Variants in TMEM51 observed in about 807,000 individuals in gnomAD.
The protein encoded by TMEM51 is chromosome 1 open reading frame 72.
A neutral mutation model predicts 13.6 loss-of-function variants in TMEM51; 8 were observed. The observed-to-expected ratio is 0.59, with a 90% confidence interval of 0.35 to 1.07. The LOEUF (loss-of-function observed/expected upper bound fraction) is 1.07, where lower values mean the gene tolerates loss of function less well. Among genes scored for constraint, TMEM51 ranks in the 50% least tolerant of loss-of-function variants. TMEM51 has a pLI of 0.02. For synonymous variants in TMEM51, 147 were observed against 144.4 expected, an observed-to-expected ratio of 1.02 and a Z score of -0.13; for missense variants, 279 against 330.7, an observed-to-expected ratio of 0.84 and a Z score of 1.21.
At chr1:15,179,730 C>G (rs967191635) in intron 1 of TMEM51, among the ~76,000 whole-genome samples, 1 of 152,136 alleles carries the variant, frequency 6.6e-6, no homozygotes, top group Non-Finnish European at 1.5e-5. Flanking sequence ...TGCAGTGAGC[C>G]AAGATCATGC....
intron 1 of TMEM51, among the ~76,000 whole-genome samples, chr1:15,163,983 C>G (rs947121509): frequency 1.3e-5 from 2 of 151,854 alleles, no homozygotes; most frequent in African/African-American, 4.9e-5. Context: ...GCATGCACCA[C>G]CATGCCTGGC....
intron 1 of TMEM51, among the ~76,000 whole-genome samples, chr1:15,159,601 G>A (rs1018112780): frequency 6.6e-6 from 1 of 152,148 alleles, no homozygotes; most frequent in African/African-American, 2.4e-5. Context: ...TCTGTTGCCA[G>A]GCTGGACTGC....
At chr1:15,205,938 T>C (rs1294707630) in intron 1 of TMEM51, among the ~76,000 whole-genome samples, 1 of 152,158 alleles carries the variant, frequency 6.6e-6, no homozygotes, top group Non-Finnish European at 1.5e-5. Flanking sequence ...CTTCAACAAG[T>C]CATTTTAAAA....
intron 1 of TMEM51, among the ~76,000 whole-genome samples, chr1:15,160,390 C>T (rs1340605294): frequency 6.6e-6 from 1 of 152,214 alleles, no homozygotes; most frequent in African/African-American, 2.4e-5. Context: ...TCTCTTGCCT[C>T]AGCCTCCTGA....
intron 1 of TMEM51, among the ~76,000 whole-genome samples, chr1:15,154,858 G>A (rs1642532678): frequency 6.6e-6 from 1 of 151,880 alleles, no homozygotes; most frequent in Admixed American, 6.5e-5. Context: ...GGGAGGTCTG[G>A]CTGCTGGGAA....
At position 15,161,617 on chromosome 1, in the gene TMEM51, T is replaced by C. The variant is rs751680135; in HGVS notation, c.-267+7663T>C. Among the ~76,000 whole-genome samples, 4 of 151,978 alleles carry C rather than the reference T, an allele frequency of 2.6e-5. No homozygotes were observed. The highest frequency in any genetic ancestry group is 4.4e-5 in the Non-Finnish European group (3 of 68,020). ...GTCCATTTGTGTTGCTGTAAAGAAA[T>C]ACCTGAGATTGGGTAATTTATAAAG... On this transcript the variant is annotated intron_variant, in intron 1 of 3. Transcript: ENST00000376008. The surrounding 1 kb of genome is among the most constrained non-coding windows in gnomAD (Gnocchi z 4.0).
At chr1:15,205,024 A>T (rs1361854713) in intron 1 of TMEM51, among the ~76,000 whole-genome samples, 4 of 152,102 alleles carry the variant, frequency 2.6e-5, no homozygotes, top group Non-Finnish European at 5.9e-5. Context: ...CTGGCAGAGG[A>T]AGTCTCTGAA....
intron 1 of TMEM51, chr1:15,191,747 T>G: frequency 3.2e-6 from 1 of 315,542 alleles, no homozygotes; most frequent in South Asian, 2.8e-5. Flanking sequence ...GGGGAGAAAT[T>G]TTTTTTTTTG....
At chr1:15,216,456 C>CT (rs1573455386) in intron 3 of TMEM51, among the ~76,000 whole-genome samples, 1 of 151,910 alleles carries the variant, frequency 6.6e-6, no homozygotes, top group African/African-American at 2.4e-5. Context: ...GATGTCTTTT[C>CT]TTTTTTTTGC....
chr1:15,169,578 G>C (rs374699531), intron 1 of TMEM51, among the ~76,000 whole-genome samples: 1 of 152,172 alleles, frequency 6.6e-6, no homozygotes, highest in Non-Finnish European at 1.5e-5. Flanking sequence ...GCTCATTGCA[G>C]GGAGGAAGTT....
intron 1 of TMEM51, among the ~76,000 whole-genome samples, chr1:15,155,628 G>A (rs147043179): frequency 6.6e-5 from 10 of 152,314 alleles, no homozygotes; most frequent in African/African-American, 1.9e-4. Context: ...AGATCGAACA[G>A]CACAGGCAAA....
chr1:15,217,489 T>C (rs1644449139), intron 3 of TMEM51, among the ~76,000 whole-genome samples: 1 of 152,196 alleles, frequency 6.6e-6, no homozygotes, highest in South Asian at 2.1e-4. Context: ...TATATTTTTT[T>C]AAATGGAGAT....
chr1:15,158,331 TTC>T, intron 1 of TMEM51, among the ~76,000 whole-genome samples: 1 of 152,204 alleles, frequency 6.6e-6, no homozygotes, highest in South Asian at 2.1e-4. Flanking sequence ...GGGAAAGCAA[TTC>T]TCTCTGAACT....
At chr1:15,153,239 G>T (rs1405746821), upstream of TMEM51, among the ~76,000 whole-genome samples, 1 of 151,194 alleles carries the variant, frequency 6.6e-6, no homozygotes, top group Non-Finnish European at 1.5e-5. Flanking sequence ...AGGAGGAGAG[G>T]TGAGTATCCC....
intron 1 of TMEM51, among the ~76,000 whole-genome samples, chr1:15,204,410 C>T (rs1451807738): frequency 4.6e-5 from 7 of 152,074 alleles, no homozygotes; most frequent in African/African-American, 7.2e-5. Flanking sequence ...AAAAATTAGC[C>T]GGGTGTGGTG....
intron 1 of TMEM51, among the ~76,000 whole-genome samples, chr1:15,164,881 C>T (rs1436055517): frequency 6.8e-6 from 1 of 146,288 alleles, no homozygotes; most frequent in Non-Finnish European, 1.5e-5. Context: ...CGGCTCACTG[C>T]AACCTCTGCC....
chr1:15,157,287 TA>T (rs1642620963), intron 1 of TMEM51, among the ~76,000 whole-genome samples: 1 of 152,176 alleles, frequency 6.6e-6, no homozygotes, highest in Non-Finnish European at 1.5e-5. Flanking sequence ...CGGAGCAACC[TA>T]AAGTCTCCAC....
At chr1:15,191,849 C>T (rs1008724396) in intron 1 of TMEM51, 2 of 485,100 alleles carry the variant, frequency 4.1e-6, no homozygotes. Flanking sequence ...AGCTATTAAA[C>T]AGCCAGAAAG....
At chr1:15,155,994 G>A (rs1188096276) in intron 1 of TMEM51, among the ~76,000 whole-genome samples, 1 of 152,158 alleles carries the variant, frequency 6.6e-6, no homozygotes. Context: ...CTGTGGGTTG[G>A]TGGGGGCAGT....
Sources: allele counts gnomAD v4.1 joint callset (sites outside exome capture counted in the v4.1 genomes callset), GRCh38; gene constraint gnomAD v4.1.1; non-coding constraint Gnocchi (gnomAD v3.1); transcripts MANE v1.5; gene names NCBI Gene and HGNC (gene_info 2026-07-23, HGNC 2026-07-21).